TSPEAR: variants seen among roughly 807,000 people sequenced by gnomAD.
TSPEAR encodes the protein thrombospondin-type laminin G domain and EAR repeat-containing protein.
In TSPEAR, 69 loss-of-function variants were observed where a neutral mutation model predicts 71.6. That is an observed-to-expected ratio of 0.96 (90% CI 0.79 to 1.18). The LOEUF is 1.18. Ranked by LOEUF, TSPEAR falls within the 50% of genes most tolerant of loss-of-function variation. TSPEAR has a pLI of 0.00. For missense variants in TSPEAR, 971 were observed against 894.9 expected (o/e 1.09, Z -1.09); for synonymous variants, 402 against 387.2 (o/e 1.04, Z -0.45).
intron 1 of TSPEAR, among the ~76,000 whole-genome samples, chr21:44,620,025 A>C (rs1982343848): frequency 6.6e-6 from 1 of 152,194 alleles, no homozygotes; most frequent in Admixed American, 6.5e-5. Context: ...AGGGATTCAC[A>C]TAAAAACACA....
intron 1 of TSPEAR, among the ~76,000 whole-genome samples, chr21:44,703,226 G>A (rs190679941): frequency 3.3e-5 from 5 of 152,290 alleles, no homozygotes; most frequent in East Asian, 3.9e-4. Context: ...CCCTGGCTTC[G>A]GCAACCCTAG....
intron 1 of TSPEAR, among the ~76,000 whole-genome samples, chr21:44,597,594 G>C (rs746383943): frequency 6.6e-6 from 1 of 151,796 alleles, no homozygotes; most frequent in Non-Finnish European, 1.5e-5. Flanking sequence ...CACCATGCCC[G>C]GCTAATTTTG....
At chr21:44,676,183 T>C in intron 1 of TSPEAR, 2 of 1,234,548 alleles carry the variant, frequency 1.6e-6, no homozygotes, top group Non-Finnish European at 2.4e-6. Flanking sequence ...GTACAAGCTA[T>C]TTCTGGTTTA....
intron 2 of TSPEAR, among the ~76,000 whole-genome samples, chr21:44,540,997 C>T (rs111750150): frequency 0.019 from 2,699 of 143,848 alleles, 38 homozygotes; most frequent in Middle Eastern, 0.056. Context: ...TTTTTTTGTA[C>T]AGATGGCGTC....
In TSPEAR at chr21:44,580,148, G is replaced by A. The variant is rs879989459; in HGVS notation, c.83-12143C>T. The A allele has an allele frequency of 2.5e-6, 4 of 1,613,116 alleles. No homozygotes were observed. The African/African-American group carries it at 4.0e-5, about 16-fold the overall frequency. On this transcript the variant is annotated intron_variant, in intron 1 of 11. Coordinates refer to ENST00000323084, the MANE Select transcript of TSPEAR (RefSeq NM_144991.3). ...GCATGAAGAGGAATCCTCAGAACAG[G>A]TGGGCACACAGCACACGGGCTTGCA...
intron 1 of TSPEAR, among the ~76,000 whole-genome samples, chr21:44,606,377 T>C (rs1332912367): frequency 2.0e-5 from 3 of 151,990 alleles, no homozygotes; most frequent in Non-Finnish European, 4.4e-5. Context: ...AGCGAACAAG[T>C]GTTAGGGAGG....
At chr21:44,691,278 G>A (rs1987114039) in intron 1 of TSPEAR, among the ~76,000 whole-genome samples, 1 of 152,174 alleles carries the variant, frequency 6.6e-6, no homozygotes, top group Non-Finnish European at 1.5e-5. Flanking sequence ...AGAGCTGATA[G>A]CAAAGAATGG....
intron 1 of TSPEAR, among the ~76,000 whole-genome samples, chr21:44,705,146 C>T (rs1179594827): frequency 1.3e-5 from 2 of 152,230 alleles, no homozygotes; most frequent in African/African-American, 4.8e-5. Context: ...ATTTCTTATG[C>T]CTGTCTTTAC....
chr21:44,502,814 G>C (rs1224253770), intron 11 of TSPEAR, among the ~76,000 whole-genome samples: 2 of 149,892 alleles, frequency 1.3e-5, no homozygotes, highest in African/African-American at 4.9e-5. Flanking sequence ...CCGGGGGGAA[G>C]CAAGGCTCTG....
intron 1 of TSPEAR, among the ~76,000 whole-genome samples, chr21:44,588,481 A>G (rs1979487206): frequency 6.6e-6 from 1 of 152,072 alleles, no homozygotes; most frequent in Admixed American, 6.5e-5. Context: ...TTCCTTAAAG[A>G]ACTAAAAGTA....
intron 1 of TSPEAR, among the ~76,000 whole-genome samples, chr21:44,691,927 A>G (rs1310220208): frequency 6.6e-6 from 1 of 152,240 alleles, no homozygotes; most frequent in Non-Finnish European, 1.5e-5. Flanking sequence ...ACAGACGAAC[A>G]TGACTTGTAA....
chr21:44,658,919 C>G (rs1207620734), intron 1 of TSPEAR, among the ~76,000 whole-genome samples: 1 of 152,040 alleles, frequency 6.6e-6, no homozygotes, highest in Non-Finnish European at 1.5e-5. Flanking sequence ...AGTCCTGGGC[C>G]CCAGATCCCA....
At position 44,539,700 on chromosome 21, in the gene TSPEAR, A is replaced by T. The variant is rs782384686; in HGVS notation, c.304-5777T>A. 6 of 1,595,422 alleles carry T rather than the reference A, an allele frequency of 3.8e-6. No homozygotes were observed. In the African/African-American group the frequency reaches 6.7e-5, roughly 18 times the overall value. ...TCCTCAGAGCAGGTGGGCACATAGC[A>T]CACAGGCTTGCAGCAAACAGGCACA... On this transcript the variant is annotated intron_variant, in intron 2 of 11. Transcript: ENST00000323084.
chr21:44,608,615 A>G (rs1555930249), intron 1 of TSPEAR, among the ~76,000 whole-genome samples: 1 of 152,256 alleles, frequency 6.6e-6, no homozygotes, highest in African/African-American at 2.4e-5. Flanking sequence ...GGCACCTCAC[A>G]AGAAAAGATA....
At chr21:44,674,778 GTGTGTGTA>G (rs1487327087) in intron 1 of TSPEAR, among the ~76,000 whole-genome samples, 263 of 128,030 alleles carry the variant, frequency 2.1e-3, no homozygotes, top group African/African-American at 7.7e-3. Context: ...GTGTGTGTGT[GTGTGTGTA>G]TAACATTACC....
chr21:44,551,641 G>C, intron 2 of TSPEAR: 5 of 838,514 alleles, frequency 6.0e-6, no homozygotes, highest in Non-Finnish European at 9.1e-6. Flanking sequence ...TTGGAGCCGG[G>C]AGGACCCTCA....
At chr21:44,675,303 T>C (rs73234828) in intron 1 of TSPEAR, among the ~76,000 whole-genome samples, 5,999 of 152,190 alleles carry the variant, frequency 0.039, 130 homozygotes, top group Middle Eastern at 0.085. Context: ...TATATCACAT[T>C]AACAGAATGA....
rs1987286351 is a variant in TSPEAR, at chr21:44,695,315, G to A, written c.82+16118C>T. Among the ~76,000 whole-genome samples, 1 of 152,100 alleles carries A rather than the reference G, an allele frequency of 6.6e-6. No homozygotes were observed. The highest frequency in any genetic ancestry group is 2.1e-4 in the South Asian group (1 of 4,818). On this transcript the variant is annotated intron_variant, in intron 1 of 11. Coordinates refer to ENST00000323084, the MANE Select transcript of TSPEAR (RefSeq NM_144991.3). This position sits in a 1 kb window ranked among gnomAD's most constrained non-coding sequence, Gnocchi z 4.5. The stretch of plus-strand genomic sequence containing the variant: ...GCAAGTGCACCACAGACTCTGATAT[G>A]TACAGAACAGGCCCCTGGGTCTCGG...
chr21:44,690,628 A>G (rs1987086741), intron 1 of TSPEAR: 2 of 982,236 alleles, frequency 2.0e-6, no homozygotes, highest in Non-Finnish European at 2.4e-6. Flanking sequence ...CAGGTTAAAC[A>G]GAAGATAAGC....
Sources: gnomAD v4.1 joint callset for allele counts (sites outside exome capture counted in the v4.1 genomes callset) on GRCh38, gnomAD v4.1.1 for gene constraint, Gnocchi (gnomAD v3.1) non-coding constraint, MANE v1.5 for transcripts, NCBI Gene and HGNC (gene_info 2026-07-23, HGNC 2026-07-21) for gene names.